The following CTNNA3 variants were observed in gnomAD, a reference collection of about 807,000 sequenced individuals.
CTNNA3 encodes catenin alpha-3.
A neutral mutation model predicts 95.7 loss-of-function variants in CTNNA3; 76 were observed. That is an observed-to-expected ratio of 0.79 (90% CI 0.66 to 0.96). The LOEUF is 0.96. Among genes scored for constraint, CTNNA3 ranks in the 40% least tolerant of loss-of-function variants. The pLI is 0.00. For missense variants in CTNNA3, 1,191 were observed against 1,089.8 expected (o/e 1.09, Z -1.31); for synonymous variants, 431 against 374.4 (o/e 1.15, Z -1.74).
chr10:66,635,927 A>C (rs1845316958), intron 9 of CTNNA3, among the ~76,000 whole-genome samples: 3 of 152,006 alleles, frequency 2.0e-5, no homozygotes, highest in Admixed American at 2.0e-4. Context: ...TTATAATCCC[A>C]GAGAAAGCCC....
intron 5 of CTNNA3, among the ~76,000 whole-genome samples, chr10:67,455,373 C>T (rs527659870): frequency 1.7e-4 from 26 of 152,130 alleles, no homozygotes; most frequent in Admixed American, 1.5e-3. Context: ...TGTTGGGATA[C>T]CGAAGAATTC....
At chr10:66,613,850 T>C (rs1185382027) in intron 10 of CTNNA3, among the ~76,000 whole-genome samples, 1 of 152,044 alleles carries the variant, frequency 6.6e-6, no homozygotes, top group Admixed American at 6.6e-5. Flanking sequence ...CATTTTACAT[T>C]GAATATTTGG....
chr10:66,559,522 A>G (rs1442909698), intron 10 of CTNNA3, among the ~76,000 whole-genome samples: 1 of 152,100 alleles, frequency 6.6e-6, no homozygotes, highest in Admixed American at 6.6e-5. Flanking sequence ...TAAACATCCT[A>G]CAATACACAG....
intron 7 of CTNNA3, among the ~76,000 whole-genome samples, chr10:67,092,316 A>G (rs979501423): frequency 6.6e-6 from 1 of 152,002 alleles, no homozygotes; most frequent in East Asian, 1.9e-4. Context: ...AGATATTTAT[A>G]CATACTAAAA....
At chr10:67,204,130 AT>A (rs142953817) in intron 6 of CTNNA3, among the ~76,000 whole-genome samples, 9,853 of 152,132 alleles carry the variant, frequency 0.065, 486 homozygotes, top group African/African-American at 0.13. Context: ...ACCTAAAAGT[AT>A]TTTTTTCCCA....
chr10:67,104,414 T>C (rs944792446), intron 7 of CTNNA3, among the ~76,000 whole-genome samples: 5 of 151,984 alleles, frequency 3.3e-5, no homozygotes, highest in Non-Finnish European at 5.9e-5. Flanking sequence ...CTACTTGTCC[T>C]ACTCAGAATG....
intron 13 of CTNNA3, among the ~76,000 whole-genome samples, chr10:66,116,236 A>G (rs2082336493): frequency 6.6e-6 from 1 of 152,200 alleles, no homozygotes; most frequent in African/African-American, 2.4e-5. Flanking sequence ...TTCTACACAG[A>G]CTTGTCCTGA....
At chr10:66,448,402 C>A (rs943641514) in intron 11 of CTNNA3, among the ~76,000 whole-genome samples, 1 of 152,094 alleles carries the variant, frequency 6.6e-6, no homozygotes, top group African/African-American at 2.4e-5. Flanking sequence ...GCACTATTCA[C>A]AATAGCAAAG....
At chr10:67,130,190 A>C (rs1564911204) in intron 7 of CTNNA3, among the ~76,000 whole-genome samples, 2 of 152,026 alleles carry the variant, frequency 1.3e-5, no homozygotes, top group Non-Finnish European at 2.9e-5. Context: ...ACCTCCTTCC[A>C]CTACTAAGAG....
At chr10:67,215,627 A>G (rs986174868) in intron 6 of CTNNA3, among the ~76,000 whole-genome samples, 1 of 152,174 alleles carries the variant, frequency 6.6e-6, no homozygotes, top group African/African-American at 2.4e-5. Context: ...GAAAATTCCA[A>G]CATGGATTCT....
intron 11 of CTNNA3, among the ~76,000 whole-genome samples, chr10:66,458,201 CTG>C (rs937940268): frequency 2.0e-5 from 3 of 152,116 alleles, no homozygotes; most frequent in African/African-American, 4.8e-5. Context: ...ATCACACAAA[CTG>C]TAAACAATCC....
Position 66,609,021 on chromosome 10 carries a change from T to C in CTNNA3, c.1374+12671A>G, listed in dbSNP as rs147727999. Among the ~76,000 whole-genome samples, 992 of 152,120 alleles carry C rather than the reference T, an allele frequency of 6.5e-3. 15 individuals carry two copies. Among genetic ancestry groups the C allele is most frequent in the Middle Eastern group, 6.8e-3 (2 of 294 alleles). On this transcript the variant is annotated intron_variant, in intron 10 of 17. Coordinates refer to ENST00000433211, the MANE Select transcript of CTNNA3 (RefSeq NM_013266.4). ...AACAGAAAACTTACAGAATGGGAGA[T>C]ACATTCTGCAAACTATGCATCTGAC...
intron 7 of CTNNA3, among the ~76,000 whole-genome samples, chr10:67,028,466 G>T (rs1231941303): frequency 6.6e-6 from 1 of 151,808 alleles, no homozygotes; most frequent in Admixed American, 6.6e-5. Context: ...AATCTAGAAG[G>T]TAGTACTTGA....
At chr10:66,778,431 A>T (rs1237936648) in intron 7 of CTNNA3, among the ~76,000 whole-genome samples, 2 of 152,164 alleles carry the variant, frequency 1.3e-5, no homozygotes, top group Non-Finnish European at 2.9e-5. Flanking sequence ...AAATGGCAGG[A>T]TATTAAAACA....
rs545476691 is a variant in CTNNA3 at position 67,360,433 on chromosome 10, A to C, written c.580-140563T>G. 1.0e-3 allele frequency among the ~76,000 whole-genome samples: 159 copies of C among 151,976 alleles called. 1 individual carries two copies. The highest frequency in any genetic ancestry group is 3.7e-3 in the African/African-American group (154 of 41,494). ...GCAAGCAGGAAAAAAAAAAAAAAAA[A>C]ACAAGAACCAAATGTCTTCTCTCTT... On this transcript the variant is annotated intron_variant, in intron 5 of 17. Transcript: ENST00000433211.
intron 7 of CTNNA3, among the ~76,000 whole-genome samples, chr10:66,824,468 C>A (rs969962541): frequency 1.3e-5 from 2 of 151,914 alleles, no homozygotes; most frequent in Admixed American, 6.6e-5. Flanking sequence ...TACAGGAAAC[C>A]CTGGTAGGCT....
chr10:66,516,235 T>A (rs1304003680), intron 11 of CTNNA3, among the ~76,000 whole-genome samples: 2 of 151,870 alleles, frequency 1.3e-5, no homozygotes. Context: ...TGTTGAAAAA[T>A]TATGATGTTA....
chr10:66,115,294 G>A (rs189492720), intron 13 of CTNNA3, among the ~76,000 whole-genome samples: 2 of 152,136 alleles, frequency 1.3e-5, no homozygotes, highest in Non-Finnish European at 2.9e-5. Flanking sequence ...AAAGGGGGTG[G>A]TGACAGCAGA....
At chr10:67,133,316 T>TATA (rs1860118180) in intron 7 of CTNNA3, among the ~76,000 whole-genome samples, 1 of 86,838 alleles carries the variant, frequency 1.2e-5, no homozygotes, top group African/African-American at 6.3e-5. Flanking sequence ...GATATATATA[T>TATA]ATATATATTT....
Sources: allele counts gnomAD v4.1 joint callset (sites outside exome capture counted in the v4.1 genomes callset), GRCh38; gene constraint gnomAD v4.1.1; transcripts MANE v1.5; gene names NCBI Gene and HGNC (gene_info 2026-07-23, HGNC 2026-07-21).